OCA2: variants seen among roughly 807,000 people sequenced by gnomAD.
OCA2 encodes OCA2 melanosomal transmembrane protein, also known as P protein.
A neutral mutation model predicts 100.2 loss-of-function variants in OCA2; 77 were observed. The observed-to-expected ratio is 0.77, with a 90% CI of 0.64 to 0.93. The LOEUF (loss-of-function observed/expected upper bound fraction) is 0.93. OCA2 is among the 40% of genes least tolerant of loss of function. The pLI is 0.00. For missense variants in OCA2, 1,062 were observed against 1,089.1 expected (o/e 0.98, Z 0.35); for synonymous variants, 432 against 439.2 (o/e 0.98, Z 0.21).
At chr15:28,027,461 G>A (rs892830167) in intron 4 of OCA2, among the ~76,000 whole-genome samples, 2 of 152,222 alleles carry the variant, frequency 1.3e-5, no homozygotes, top group Admixed American at 6.5e-5. Context: ...CCACAGCACA[G>A]AAGGGAACCC....
intron 23 of OCA2, among the ~76,000 whole-genome samples, chr15:27,816,824 C>T (rs2034320364): frequency 6.6e-6 from 1 of 152,148 alleles, no homozygotes; most frequent in African/African-American, 2.4e-5. Context: ...CTTCTCTGCT[C>T]AAAGACTTCC....
chr15:27,816,111 G>A (rs2034289192), intron 23 of OCA2, among the ~76,000 whole-genome samples: 1 of 152,150 alleles, frequency 6.6e-6, no homozygotes, highest in Non-Finnish European at 1.5e-5. Flanking sequence ...TCCAGCCTGG[G>A]CAACAAGAGC....
intron 2 of OCA2, among the ~76,000 whole-genome samples, chr15:28,053,940 C>A (rs1477726369): frequency 9.2e-5 from 14 of 152,120 alleles, no homozygotes; most frequent in Non-Finnish European, 1.9e-4. Flanking sequence ...CCCTGGCTCA[C>A]CCCCTTCTAA....
chr15:27,896,576 G>C (rs114606709), intron 19 of OCA2: 1 of 300,608 alleles, frequency 3.3e-6, no homozygotes, highest in East Asian at 6.4e-5. Context: ...GGGCTTCTGA[G>C]AGCTAAACCA....
chr15:27,908,356 A>G lies in OCA2; in HGVS notation c.2079+17771T>C, dbSNP rs539120499. ...CCCATTCTTGCTTAAAACACTCAAG[A>G]AAGTAGGAATTGGTGGATACTTTGT... On this transcript the variant is annotated intron_variant, in intron 19 of 23. Transcript: ENST00000354638. Among the ~76,000 whole-genome samples the G allele has an allele frequency of 2.0e-5, 3 of 152,304 alleles. No homozygotes were observed. The East Asian group carries it at 5.8e-4, about 29-fold the overall frequency.
intron 9 of OCA2, among the ~76,000 whole-genome samples, chr15:28,013,046 G>A (rs1422198028): frequency 2.0e-5 from 3 of 152,134 alleles, no homozygotes. Context: ...AGGGAGCTGG[G>A]CACCTTTCTC....
chr15:28,024,178 G>A (rs1433404302), intron 5 of OCA2, among the ~76,000 whole-genome samples: 1 of 152,118 alleles, frequency 6.6e-6, no homozygotes, highest in Non-Finnish European at 1.5e-5. Context: ...CCCTTGATGG[G>A]TCCATCTGCT....
intron 18 of OCA2, among the ~76,000 whole-genome samples, chr15:27,936,053 C>T (rs900918790): frequency 1.3e-5 from 2 of 152,232 alleles, no homozygotes; most frequent in Non-Finnish European, 2.9e-5. Context: ...CTGCCTGCCA[C>T]CCTTTCATGA....
intron 5 of OCA2, 109 bp downstream of exon 5, chr15:28,024,736 G>A: frequency 8.7e-7 from 1 of 1,147,524 alleles, no homozygotes; most frequent in Non-Finnish European, 1.3e-6. Flanking sequence ...ATCAGGCGAA[G>A]AGGGCCAGGC....
chr15:27,865,182 T>C (rs2036275274), intron 21 of OCA2, among the ~76,000 whole-genome samples: 1 of 151,912 alleles, frequency 6.6e-6, no homozygotes, highest in Non-Finnish European at 1.5e-5. Flanking sequence ...TTTTGTCTCT[T>C]GAGACTCAAT....
intron 23 of OCA2, among the ~76,000 whole-genome samples, chr15:27,842,899 C>G (rs1298715156): frequency 1.3e-5 from 2 of 152,188 alleles, no homozygotes; most frequent in African/African-American, 4.8e-5. Context: ...GTTCAGTGCC[C>G]ACATGCATCA....
chr15:27,855,994 A>T (rs2035935272), intron 21 of OCA2, among the ~76,000 whole-genome samples: 1 of 152,142 alleles, frequency 6.6e-6, no homozygotes, highest in Non-Finnish European at 1.5e-5. Flanking sequence ...TGAAGGCGAG[A>T]GTGTGAAACC....
At position 27,958,047 on chromosome 15, in the gene OCA2, G is replaced by A. The variant is rs548506204; in HGVS notation, c.1637-312C>T. Among the ~76,000 whole-genome samples, 117 of 152,292 alleles carry A rather than the reference G, an allele frequency of 7.7e-4. 1 individual carries two copies. The highest frequency in any genetic ancestry group is 2.8e-3 in the African/African-American group (115 of 41,570). ...AGGGGAACATCACACACCAGGGCCT[G>A]TTGTGGGGTGGGGGTAGGGGGCAGG... On this transcript the variant is annotated intron_variant, in intron 15 of 23. Transcript: ENST00000354638.
the OCA2 span, among the ~76,000 whole-genome samples, chr15:27,728,588 C>T: frequency 6.6e-6 from 1 of 152,174 alleles, no homozygotes; most frequent in African/African-American, 2.4e-5. Flanking sequence ...CATGGGGATT[C>T]ACTCATTAGA....
At chr15:28,006,121 A>C (rs930547459) in intron 9 of OCA2, among the ~76,000 whole-genome samples, 1 of 152,168 alleles carries the variant, frequency 6.6e-6, no homozygotes, top group African/African-American at 2.4e-5. Context: ...GTCCATTAAC[A>C]CACAGAGAAT....
At chr15:28,008,139 A>G (rs992139861) in intron 9 of OCA2, among the ~76,000 whole-genome samples, 1 of 152,240 alleles carries the variant, frequency 6.6e-6, no homozygotes, top group African/African-American at 2.4e-5. Context: ...ACAATAAGTG[A>G]GATGGAGCGC....
At chr15:27,722,461 A>G in the OCA2 span, among the ~76,000 whole-genome samples, 3 of 152,212 alleles carry the variant, frequency 2.0e-5, no homozygotes, top group Non-Finnish European at 4.4e-5. Context: ...GGTATGGGCA[A>G]TCTGGTTCAG....
At chr15:28,072,586 T>C (rs1304365731) in intron 2 of OCA2, among the ~76,000 whole-genome samples, 1 of 91,506 alleles carries the variant, frequency 1.1e-5, no homozygotes, top group African/African-American at 5.0e-5. Flanking sequence ...CAAGATTCCG[T>C]CTCAAAAAAA....
chr15:27,854,416 C>T (rs1476671954), intron 21 of OCA2, among the ~76,000 whole-genome samples: 2 of 152,164 alleles, frequency 1.3e-5, no homozygotes, highest in East Asian at 1.9e-4. Flanking sequence ...GAGAAGGAGC[C>T]CTTCATATTT....
Sources: allele counts gnomAD v4.1 joint callset (sites outside exome capture counted in the v4.1 genomes callset), GRCh38; gene constraint gnomAD v4.1.1; transcripts MANE v1.5; gene names NCBI Gene and HGNC (gene_info 2026-07-23, HGNC 2026-07-21).